Variants in OR51B5 observed in about 807,000 individuals in gnomAD.
The protein encoded by OR51B5 is olfactory receptor family 51 subfamily B member 5.
For missense variants in OR51B5, 456 were observed against 374.6 expected, an observed-to-expected ratio of 1.22 and a Z score of -1.79; for synonymous variants, 186 against 144.8, an observed-to-expected ratio of 1.28 and a Z score of -2.04.
At chr11:5,484,379 A>C (rs763547255) in intron 1 of OR51B5, among the ~76,000 whole-genome samples, 4 of 152,304 alleles carry the variant, frequency 2.6e-5, no homozygotes, top group African/African-American at 2.4e-5. Flanking sequence ...AGATAATCAC[A>C]GAGTAGCAGT....
chr11:5,480,022 T>C (rs1786563821), intron 1 of OR51B5, among the ~76,000 whole-genome samples: 1 of 151,284 alleles, frequency 6.6e-6, no homozygotes, highest in South Asian at 2.1e-4. Context: ...CTAATAGACA[T>C]CTACAGAACT....
At chr11:5,374,230 G>C (rs961814797) in intron 1 of OR51B5, among the ~76,000 whole-genome samples, 1 of 152,158 alleles carries the variant, frequency 6.6e-6, no homozygotes, top group African/African-American at 2.4e-5. Flanking sequence ...AGGGTCTGGA[G>C]TGGACCTCTA....
At chr11:5,439,775 C>T (rs938474121) in intron 1 of OR51B5, among the ~76,000 whole-genome samples, 2 of 152,120 alleles carry the variant, frequency 1.3e-5, no homozygotes, top group African/African-American at 4.8e-5. Context: ...CAATCTAATA[C>T]CTGAGTGCTG....
At chr11:5,343,125 G>C in exon 1 of OR51B5, 1 of 1,613,536 alleles carries the variant, frequency 6.2e-7, no homozygotes, top group Non-Finnish European at 8.5e-7. Flanking sequence ...GTATTAGTAA[G>C]TACAGAGGTA....
At chr11:5,351,990 A>G (rs778714578) in intron 1 of OR51B5, 2 of 1,613,524 alleles carry the variant, frequency 1.2e-6, no homozygotes, top group South Asian at 1.1e-5. Context: ...TTGTTCGCCT[A>G]CACTGGTTTC....
chr11:5,357,055 G>A (rs2340316), intron 1 of OR51B5, among the ~76,000 whole-genome samples: 56,116 of 150,874 alleles, frequency 0.37, 10,537 homozygotes, highest in Non-Finnish European at 0.4. Flanking sequence ...AGGCTAGGAA[G>A]AAACTGCATC....
At chr11:5,349,283 A>C (rs1003749157) in intron 1 of OR51B5, among the ~76,000 whole-genome samples, 1 of 150,644 alleles carries the variant, frequency 6.6e-6, no homozygotes, top group Non-Finnish European at 1.5e-5. Context: ...GATTCTTCCC[A>C]AAAAATGAGG....
intron 1 of OR51B5, chr11:5,422,454 A>T: frequency 1.9e-6 from 3 of 1,614,138 alleles, no homozygotes; most frequent in Non-Finnish European, 2.5e-6. Context: ...ACAGTCATGC[A>T]GCTTCTCTGG....
intron 1 of OR51B5, chr11:5,468,604 T>C (rs181352436): frequency 6.6e-5 from 30 of 452,624 alleles, no homozygotes; most frequent in African/African-American, 5.6e-4. Flanking sequence ...TGTGCACATA[T>C]TCAGGAGCAT....
intron 1 of OR51B5, chr11:5,390,459 G>C: frequency 8.1e-7 from 1 of 1,232,212 alleles, no homozygotes; most frequent in Non-Finnish European, 1.1e-6. Flanking sequence ...TGAGTATATA[G>C]CATGCTCTTA....
At chr11:5,484,981 A>G (rs1851479294) in intron 1 of OR51B5, among the ~76,000 whole-genome samples, 1 of 152,208 alleles carries the variant, frequency 6.6e-6, no homozygotes, top group Admixed American at 6.5e-5. Context: ...TTCAGATTTG[A>G]CAAACTGGCA....
At chr11:5,488,662 G>A in intron 1 of OR51B5, 1 of 1,256,110 alleles carries the variant, frequency 8.0e-7, no homozygotes, top group Non-Finnish European at 1.1e-6. Context: ...TACAGGGCAA[G>A]CATAACAATA....
intron 1 of OR51B5, chr11:5,430,957 A>C (rs1306405853): frequency 4.4e-6 from 2 of 456,906 alleles, no homozygotes; most frequent in Non-Finnish European, 8.8e-6. Flanking sequence ...AGAGACCACG[A>C]TAAGCAATGA....
intron 1 of OR51B5, among the ~76,000 whole-genome samples, chr11:5,494,233 A>G (rs943307125): frequency 6.6e-6 from 1 of 152,228 alleles, no homozygotes; most frequent in African/African-American, 2.4e-5. Flanking sequence ...TATTCCAGGT[A>G]ACAATTATTC....
At chr11:5,423,339 A>C (rs1850387802) in intron 1 of OR51B5, 2 of 614,076 alleles carry the variant, frequency 3.3e-6, no homozygotes, top group Non-Finnish European at 5.4e-6. Context: ...TGCAAAAGAG[A>C]TATGGATCTG....
At chr11:5,423,248 C>A (rs1165556221) in intron 1 of OR51B5, 7 of 1,405,858 alleles carry the variant, frequency 5.0e-6, no homozygotes, top group Non-Finnish European at 6.5e-6. Context: ...AAAACTTCAT[C>A]ATAATATTAA....
At position 5,388,128 on chromosome 11, in the gene OR51B5, A is replaced by C. The variant is rs548484850; in HGVS notation, n.85-41218T>G. 3.5e-4 allele frequency among the ~76,000 whole-genome samples: 54 copies of C among 152,174 alleles called. 1 individual carries two copies. Among genetic ancestry groups the C allele is most frequent in the Non-Finnish European group, 2.9e-5 (2 of 68,030 alleles). On this transcript the variant is annotated intron_variant and non_coding_transcript_variant, in intron 1 of 4. Coordinates refer to the OR51B5 transcript ENST00000415970. ...GAAATAATTGAATATTGAAATAATTATTGAAATAAGATTAATGGTAATGAT... is the reference window on the plus strand; with the variant it reads ...GAAATAATTGAATATTGAAATAATTCTTGAAATAAGATTAATGGTAATGAT...
chr11:5,343,597 T>TCA (rs780676257), upstream of OR51B5: 431 of 600,300 alleles, frequency 7.2e-4, 4 homozygotes, highest in South Asian at 1.8e-3. Context: ...CTTCAAGGTA[T>TCA]CACTTCGACT....
intron 1 of OR51B5, among the ~76,000 whole-genome samples, chr11:5,415,774 G>A (rs1850233973): frequency 6.6e-6 from 1 of 152,122 alleles, no homozygotes; most frequent in African/African-American, 2.4e-5. Context: ...TGAAATTGTG[G>A]CAATAATCAA....
Sources: gnomAD v4.1 joint callset for allele counts (sites outside exome capture counted in the v4.1 genomes callset) on GRCh38, gnomAD v4.1.1 for gene constraint, MANE v1.5 for transcripts, NCBI Gene and HGNC (gene_info 2026-07-23, HGNC 2026-07-21) for gene names.